Variants in FMN1 observed in about 807,000 individuals in gnomAD.
The protein encoded by FMN1 is formin 1.
Under a neutral mutation model 132.4 loss-of-function variants are expected in FMN1, and 110 were observed. The ratio of observed to expected loss-of-function variants is 0.83; its 90% CI spans 0.71 to 0.97. The LOEUF is 0.97. FMN1 is among the 50% of genes least tolerant of loss of function. FMN1 has a pLI of 0.00. For synonymous variants in FMN1, 722 were observed against 651.7 expected (o/e 1.11, Z -1.64); for missense variants, 1,792 against 1,705.3 (o/e 1.05, Z -0.90).
At chr15:33,181,538 G>T (rs1402841647) in intron 2 of FMN1, among the ~76,000 whole-genome samples, 1 of 152,152 alleles carries the variant, frequency 6.6e-6, no homozygotes, top group East Asian at 1.9e-4. Context: ...CAGCACACAG[G>T]ATGGTATCAG....
intron 7 of FMN1, among the ~76,000 whole-genome samples, chr15:32,973,561 CT>C (rs2031959700): frequency 6.6e-6 from 1 of 150,960 alleles, no homozygotes; most frequent in Non-Finnish European, 1.5e-5. Context: ...ATTTAATTGC[CT>C]CTCTCTGCCC....
intron 6 of FMN1, among the ~76,000 whole-genome samples, chr15:33,017,556 A>T (rs2035129739): frequency 6.6e-6 from 1 of 152,248 alleles, no homozygotes; most frequent in South Asian, 2.1e-4. Flanking sequence ...AAAGGAGCCT[A>T]ATTTCTATAT....
intron 5 of FMN1, 89 bp from the exon 6 acceptor site, chr15:33,065,163 T>A: frequency 1.3e-6 from 1 of 786,630 alleles, no homozygotes; most frequent in Non-Finnish European, 2.0e-6. Context: ...ATTCTGAAGT[T>A]AATTTTAATG....
At chr15:33,140,302 G>A (rs1963955897) in intron 4 of FMN1, among the ~76,000 whole-genome samples, 1 of 151,630 alleles carries the variant, frequency 6.6e-6, no homozygotes, top group Non-Finnish European at 1.5e-5. Context: ...ATGCTGCACT[G>A]CAGGTGATGA....
chr15:33,071,886 T>C (rs73378532), intron 5 of FMN1, among the ~76,000 whole-genome samples: 4 of 152,180 alleles, frequency 2.6e-5, no homozygotes, highest in Non-Finnish European at 5.9e-5. Flanking sequence ...TCAGGGAGGA[T>C]AGTAATCACT....
At chr15:33,094,592 C>T (rs1202995038) in intron 4 of FMN1, among the ~76,000 whole-genome samples, 1 of 152,168 alleles carries the variant, frequency 6.6e-6, no homozygotes, top group Admixed American at 6.5e-5. Context: ...TCCTCAGGGT[C>T]GTTCATAGAT....
At chr15:32,938,372 T>C (rs927532533) in intron 9 of FMN1, among the ~76,000 whole-genome samples, 1 of 151,908 alleles carries the variant, frequency 6.6e-6, no homozygotes, top group Non-Finnish European at 1.5e-5. Flanking sequence ...CTACTAAAAA[T>C]ACAAAAATTA....
intron 17 of FMN1, among the ~76,000 whole-genome samples, chr15:32,833,296 T>C (rs1173627059): frequency 2.0e-5 from 3 of 152,164 alleles, no homozygotes; most frequent in Admixed American, 1.3e-4. Context: ...TTAGTGTAAC[T>C]GATAGGGAGG....
chr15:33,183,375 T>C (rs530930043), intron 2 of FMN1, among the ~76,000 whole-genome samples: 1 of 152,310 alleles, frequency 6.6e-6, no homozygotes, highest in African/African-American at 2.4e-5. Flanking sequence ...GGAATGCCAG[T>C]CCTTACGATG....
At chr15:33,120,637 G>A (rs1187700965) in intron 4 of FMN1, among the ~76,000 whole-genome samples, 1 of 151,642 alleles carries the variant, frequency 6.6e-6, no homozygotes, top group African/African-American at 2.4e-5. Flanking sequence ...TTGTCTTTTC[G>A]TGTTCTGGTA....
At chr15:33,096,343 C>A (rs2039084409) in intron 4 of FMN1, among the ~76,000 whole-genome samples, 1 of 152,182 alleles carries the variant, frequency 6.6e-6, no homozygotes, top group African/African-American at 2.4e-5. Flanking sequence ...TGTCAATAAC[C>A]TTTGCCCTTC....
intron 7 of FMN1, among the ~76,000 whole-genome samples, chr15:32,986,995 A>G (rs1278244904): frequency 6.6e-6 from 1 of 152,162 alleles, no homozygotes; most frequent in African/African-American, 2.4e-5. Flanking sequence ...ACATTTAACT[A>G]TCCTATTCAA....
At chr15:33,089,577 A>G (rs2038832288) in intron 4 of FMN1, among the ~76,000 whole-genome samples, 1 of 152,204 alleles carries the variant, frequency 6.6e-6, no homozygotes. Flanking sequence ...ATAGGATGAT[A>G]ATCATTAACT....
chr15:33,066,452 G>A, intron 5 of FMN1: 5 of 1,364,588 alleles, frequency 3.7e-6, no homozygotes, highest in Non-Finnish European at 4.9e-6. Context: ...GAGGAAACCT[G>A]GAAAGAAATA....
rs934585054 is a variant in FMN1 at position 32,952,885 on chromosome 15, C to T, written c.3138+11222G>A. On this transcript the variant is annotated intron_variant, in intron 9 of 20. Coordinates refer to ENST00000616417, the MANE Select transcript of FMN1 (RefSeq NM_001277313.2). ...TGGCGAAGGGAGGGATCAAAATGCC[C>T]AATAGGTTCCATCTGGCTGCTTCTG... is the stretch of plus-strand genomic sequence containing the variant. 3.4e-4 allele frequency among the ~76,000 whole-genome samples: 52 copies of T among 152,168 alleles called. 3 individuals are homozygous for T. The highest frequency in any genetic ancestry group is 5.2e-4 in the Admixed American group (8 of 15,280).
intron 7 of FMN1, among the ~76,000 whole-genome samples, chr15:32,978,374 G>A (rs1567497425): frequency 6.6e-6 from 1 of 152,146 alleles, no homozygotes; most frequent in Non-Finnish European, 1.5e-5. Context: ...GGGAACTTCA[G>A]TAATATTTTA....
intron 6 of FMN1, among the ~76,000 whole-genome samples, chr15:33,008,411 A>G (rs552365716): frequency 6.6e-6 from 1 of 152,294 alleles, no homozygotes; most frequent in East Asian, 1.9e-4. Flanking sequence ...CACAGAGGAC[A>G]AATACAGACA....
intron 6 of FMN1, among the ~76,000 whole-genome samples, chr15:33,043,636 G>A (rs1473838884): frequency 6.6e-6 from 1 of 152,352 alleles, no homozygotes; most frequent in Admixed American, 6.5e-5. Flanking sequence ...TGGCACCCAG[G>A]AGTACTGTGT....
intron 19 of FMN1, among the ~76,000 whole-genome samples, chr15:32,794,599 A>C (rs1172827446): frequency 6.6e-6 from 1 of 152,206 alleles, no homozygotes; most frequent in African/African-American, 2.4e-5. Context: ...AATAAAAAAG[A>C]GTAAAGAATA....
Sources: allele counts gnomAD v4.1 joint callset (sites outside exome capture counted in the v4.1 genomes callset), GRCh38; gene constraint gnomAD v4.1.1; transcripts MANE v1.5; gene names NCBI Gene and HGNC (gene_info 2026-07-23, HGNC 2026-07-21).